Variants in PDXDC1 observed in about 807,000 individuals in gnomAD.
The protein encoded by PDXDC1 is pyridoxal dependent decarboxylase domain containing 1.
Under a neutral mutation model 100.1 loss-of-function variants are expected in PDXDC1, and 42 were observed. The ratio of observed to expected loss-of-function variants is 0.42; its 90% CI spans 0.33 to 0.54. The LOEUF is 0.54. Ranked by LOEUF, PDXDC1 falls within the 20% of genes least tolerant of loss-of-function variation. The pLI, the probability that PDXDC1 is intolerant of heterozygous loss-of-function variation, is 0.10. For missense variants in PDXDC1, 636 were observed against 979.2 expected, an observed-to-expected ratio of 0.65 and a Z score of 4.68; for synonymous variants, 260 against 371.7, an observed-to-expected ratio of 0.70 and a Z score of 3.46.
downstream of PDXDC1, among the ~76,000 whole-genome samples, chr16:15,039,426 C>T (rs1335795647): frequency 6.6e-6 from 1 of 152,218 alleles, no homozygotes; most frequent in Non-Finnish European, 1.5e-5. Flanking sequence ...AGAATTCTTT[C>T]ACCCATTCCT....
intron 12 of PDXDC1, among the ~76,000 whole-genome samples, chr16:15,020,863 A>T (rs2042143852): frequency 6.6e-6 from 1 of 152,194 alleles, no homozygotes; most frequent in Non-Finnish European, 1.5e-5. Flanking sequence ...AGGCGCCTGT[A>T]GTCCCAGCTA....
chr16:15,072,613 GC>G (rs1281948767), intron 16 of PDXDC1, among the ~76,000 whole-genome samples: 2 of 152,092 alleles, frequency 1.3e-5, no homozygotes, highest in Non-Finnish European at 2.9e-5. Flanking sequence ...GACCAGTATG[GC>G]CAACGTGGCG....
At chr16:15,136,317 C>T (rs899855053) in intron 16 of PDXDC1, among the ~76,000 whole-genome samples, 1 of 152,180 alleles carries the variant, frequency 6.6e-6, no homozygotes, top group Non-Finnish European at 1.5e-5. Flanking sequence ...CCTGTGGGCA[C>T]CGGCAGGGAT....
At chr16:15,079,808 G>C (rs2045620765) in intron 16 of PDXDC1, among the ~76,000 whole-genome samples, 1 of 152,134 alleles carries the variant, frequency 6.6e-6, no homozygotes, top group African/African-American at 2.4e-5. Context: ...TGTTGGCCAG[G>C]CTGGTCTCGA....
chr16:15,023,406 A>G (rs1439206739), intron 13 of PDXDC1, among the ~76,000 whole-genome samples: 5 of 152,286 alleles, frequency 3.3e-5, no homozygotes, highest in African/African-American at 9.6e-5. Context: ...TGTTTCTTTG[A>G]CAATTCTGCA....
At chr16:15,049,887 A>G (rs2044230289) in intron 16 of PDXDC1, among the ~76,000 whole-genome samples, 1 of 152,254 alleles carries the variant, frequency 6.6e-6, no homozygotes, top group Non-Finnish European at 1.5e-5. Flanking sequence ...ATACAAAAGT[A>G]TAAAAAATGT....
At chr16:15,122,661 T>C (rs749670753) in intron 16 of PDXDC1, among the ~76,000 whole-genome samples, 1 of 150,056 alleles carries the variant, frequency 6.7e-6, no homozygotes, top group East Asian at 2.0e-4. Context: ...TGATGGCTGA[T>C]AAATCCCAGC....
At chr16:15,086,105 A>C in intron 16 of PDXDC1, 1 of 1,599,894 alleles carries the variant, frequency 6.3e-7, no homozygotes, top group Non-Finnish European at 8.5e-7. Flanking sequence ...TAAAAAGAAA[A>C]TAAAATTCCA....
chr16:14,994,282 T>G (rs1225502942), intron 1 of PDXDC1, among the ~76,000 whole-genome samples: 2 of 152,286 alleles, frequency 1.3e-5, no homozygotes, highest in Non-Finnish European at 2.9e-5. Context: ...GGTCTAACAT[T>G]TAAGTCTTTA....
chr16:15,058,287 C>T (rs2044594893), intron 16 of PDXDC1, among the ~76,000 whole-genome samples: 1 of 151,118 alleles, frequency 6.6e-6, no homozygotes, highest in South Asian at 2.1e-4. Context: ...ACAGCAAGAC[C>T]GTCTCAAAAA....
At chr16:15,073,008 G>A (rs2151781614) in intron 16 of PDXDC1, 2 of 1,613,362 alleles carry the variant, frequency 1.2e-6, no homozygotes, top group Non-Finnish European at 1.7e-6. Context: ...GGCATGGGTG[G>A]GCAACAGGAG....
chr16:15,001,889 T>A, intron 4 of PDXDC1, 33 bp downstream of exon 4: 1 of 1,561,226 alleles, frequency 6.4e-7, no homozygotes, highest in African/African-American at 1.4e-5. Context: ...TTTTCAAGTG[T>A]ATGTGTTCTT....
intron 1 of PDXDC1, among the ~76,000 whole-genome samples, chr16:14,992,433 A>T (rs1260942060): frequency 1.3e-5 from 2 of 152,290 alleles, no homozygotes; most frequent in Non-Finnish European, 2.9e-5. Context: ...TAGGGGACAC[A>T]CGGGAGTGTC....
At chr16:15,095,207 T>C (rs2046311147) in intron 16 of PDXDC1, among the ~76,000 whole-genome samples, 1 of 151,584 alleles carries the variant, frequency 6.6e-6, no homozygotes, top group African/African-American at 2.4e-5. Context: ...GTTCCAAGCA[T>C]AGGAAACGGA....
intron 16 of PDXDC1, among the ~76,000 whole-genome samples, chr16:15,064,891 G>A (rs956275024): frequency 1.3e-5 from 2 of 152,220 alleles, no homozygotes; most frequent in African/African-American, 2.4e-5. Context: ...TCCTGGCCGG[G>A]CGCGGTGGCT....
downstream of PDXDC1, among the ~76,000 whole-genome samples, chr16:15,139,932 C>G (rs943356998): frequency 6.6e-6 from 1 of 151,788 alleles, no homozygotes; most frequent in African/African-American, 2.4e-5. Context: ...CCCATCTCTA[C>G]TAAAAATGCA....
intron 16 of PDXDC1, chr16:15,045,904 G>A (rs769866393): frequency 1.6e-4 from 24 of 152,226 alleles, no homozygotes; most frequent in African/African-American, 4.1e-4. Flanking sequence ...ATAGGGCACA[G>A]CCTCAAGGGG....
Position 15,036,533 on chromosome 16 carries a change from A to G in PDXDC1, c.*258A>G. The G allele has an allele frequency of 1.9e-6, 1 of 514,072 alleles. No individual in the cohort carries two copies. Among genetic ancestry groups the G allele is most frequent in the South Asian group, 2.9e-5 (1 of 34,292 alleles). The allele number at this position is 514,072 out of a possible 1,614,324, so 31.8% of individuals were successfully genotyped here. ...TTACCATAAACACATTTTATTCACA[A>G]AAAACACTTCGAATTTCAAGTGTCT... On this transcript the variant is annotated 3_prime_UTR_variant, in exon 23 of 23. Coordinates refer to ENST00000396410, the MANE Select transcript of PDXDC1 (RefSeq NM_015027.4).
At chr16:14,984,036 A>G (rs1968640477) in intron 1 of PDXDC1, among the ~76,000 whole-genome samples, 4 of 152,212 alleles carry the variant, frequency 2.6e-5, no homozygotes, top group South Asian at 4.1e-4. Flanking sequence ...GGTGGCATGC[A>G]CCTGTAGTCC....
Sources: gnomAD v4.1 joint callset for allele counts (sites outside exome capture counted in the v4.1 genomes callset) on GRCh38, gnomAD v4.1.1 for gene constraint, MANE v1.5 for transcripts, NCBI Gene and HGNC (gene_info 2026-07-23, HGNC 2026-07-21) for gene names.